Variants in MYH10 observed in about 807,000 individuals in gnomAD.
The protein encoded by MYH10 is myosin-10.
In MYH10, 55 loss-of-function variants were observed where a neutral mutation model predicts 257.8. The observed-to-expected ratio is 0.21, with a 90% CI of 0.17 to 0.27. MYH10 has a LOEUF of 0.27. Among genes scored for constraint, MYH10 ranks in the 10% least tolerant of loss-of-function variants. The pLI, the probability that MYH10 is intolerant of heterozygous loss-of-function variation, is 1.00. For synonymous variants in MYH10, 854 were observed against 921.7 expected (o/e 0.93, Z 1.33); for missense variants, 1,631 against 2,500.6 (o/e 0.65, Z 7.42).
rs201983291 is a variant in MYH10 at position 8,548,395 on chromosome 17, T to C, written c.1077A>G (p.Val359=). ...SHEEILSMLK[V]VSSVLQFGNI... ...TTCCAAACTGTAGCACTGAAGATAC[T>C]ACTTTAAGCATTGCTTCATATTGAT... The change falls in exon 11 of 43, where the codon GTA becomes GTG. Residue 359 remains valine (V), a synonymous_variant. Transcript: ENST00000360416. 6 of 1,602,160 alleles carry C rather than the reference T, an allele frequency of 3.7e-6. No individual in the cohort carries two copies. The highest frequency in any genetic ancestry group is 1.7e-5 in the Admixed American group (1 of 58,112).
At chr17:8,517,021 G>A (rs998344692) in intron 21 of MYH10, among the ~76,000 whole-genome samples, 4 of 151,832 alleles carry the variant, frequency 2.6e-5, no homozygotes, top group African/African-American at 7.3e-5. Context: ...GGCGCCTGTA[G>A]TCCCAGCTAC....
At chr17:8,564,224 T>C (rs1205431224) in intron 7 of MYH10, among the ~76,000 whole-genome samples, 3 of 152,216 alleles carry the variant, frequency 2.0e-5, no homozygotes, top group Admixed American at 6.5e-5. Context: ...AGAAAAGATA[T>C]TCTTCAGGAA....
At chr17:8,548,278 C>T (rs764179078) in intron 11 of MYH10, 35 bp downstream of exon 11, 12 of 1,523,916 alleles carry the variant, frequency 7.9e-6, no homozygotes, top group South Asian at 4.6e-5. Flanking sequence ...AACAAGCCAT[C>T]GAAACAGAAA....
At position 8,511,556 on chromosome 17, in the gene MYH10, C is replaced by A. The variant is rs2081297754; in HGVS notation, c.2952+895G>T. Among the ~76,000 whole-genome samples, 3 of 152,012 alleles carry A rather than the reference C, an allele frequency of 2.0e-5. No individual in the cohort carries two copies. The South Asian group carries it at 6.2e-4, about 32-fold the overall frequency. The stretch of plus-strand genomic sequence containing the variant: ...AAAAAAACAAAAACAAAAACAAACC[C>A]CAAAAAACCAAAACTAGGGTTGTAC... On this transcript the variant is annotated intron_variant, in intron 24 of 42. Transcript: ENST00000360416.
In MYH10 at chr17:8,494,943, C is replaced by T. The variant is rs959265283; in HGVS notation, c.4056+194G>A. Among the ~76,000 whole-genome samples the T allele has an allele frequency of 5.3e-5, 8 of 152,212 alleles. 1 individual carries two copies. The highest frequency in any genetic ancestry group is 1.7e-4 in the African/African-American group (7 of 41,456). ...CCACGTGCCTGCCAGACACACGAAC[C>T]CCAGGGGCTCTACATCAAGACACTG... On this transcript the variant is annotated intron_variant, in intron 31 of 42. Coordinates refer to ENST00000360416, the MANE Select transcript of MYH10 (RefSeq NM_001256012.3).
intron 26 of MYH10, 127 bp downstream of exon 26, chr17:8,508,427 C>T: frequency 7.4e-7 from 1 of 1,353,998 alleles, no homozygotes. Flanking sequence ...AATAAGTCAA[C>T]CCAAACTGAA....
intron 19 of MYH10, 121 bp from the exon 20 acceptor site, chr17:8,519,071 G>GT: frequency 1.5e-6 from 1 of 647,982 alleles, no homozygotes; most frequent in Non-Finnish European, 2.6e-6. Context: ...AAGATATGAT[G>GT]TAATACATGT....
rs201174549 is a variant in MYH10, at chr17:8,620,247, AAATG to A, written c.345+2651_345+2654del. Among the ~76,000 whole-genome samples, 8 of 152,370 alleles carry A rather than the reference AAATG, an allele frequency of 5.3e-5. No homozygotes were observed. The East Asian group carries it at 1.3e-3, about 26-fold the overall frequency. The stretch of plus-strand genomic sequence containing the variant: ...TGTGATTGAGATGTAATTATTTTAA[AAATG>A]AATAATAAAAAGATAACTTAAAAAT... On this transcript the variant is annotated intron_variant, in intron 2 of 42. Transcript: ENST00000360416.
At position 8,535,750 on chromosome 17, in the gene MYH10, G is replaced by A. The variant is rs1417066233; in HGVS notation, c.1779+8C>T. ...TTTAATCCAGTTATTCAACATAAGA[G>A]CTCTTACCTTCCCTGCATAATGTAT... is the stretch of plus-strand genomic sequence containing the variant. On this transcript the variant is annotated splice_region_variant and intron_variant, in intron 15 of 42. Transcript: ENST00000360416. The surrounding 1 kb of genome is among the most constrained non-coding windows in gnomAD (Gnocchi z 4.3). 6.2e-7 allele frequency: 1 copy of A among 1,610,588 alleles called. No individual in the cohort carries two copies. Among genetic ancestry groups the A allele is most frequent in the Non-Finnish European group, 8.5e-7 (1 of 1,177,924 alleles).
chr17:8,487,867 T>C (rs1260195297), intron 35 of MYH10, among the ~76,000 whole-genome samples: 1 of 151,998 alleles, frequency 6.6e-6, no homozygotes, highest in Non-Finnish European at 1.5e-5. Flanking sequence ...CTGAGCTCGG[T>C]GTAGATGAAG....
rs2081021349 is a variant in MYH10 at position 8,504,828 on chromosome 17, C to T, written c.3465G>A (p.Gln1155=). 1 of 1,614,114 alleles carries T rather than the reference C, an allele frequency of 6.2e-7. No individual in the cohort carries two copies. The highest frequency in any genetic ancestry group is 1.7e-5 in the Admixed American group (1 of 60,012). The change falls in exon 28 of 43, where the codon CAG becomes CAA. Residue 1155 remains glutamine (Q), a synonymous_variant. Transcript: ENST00000360416. The surrounding 1 kb of genome is among the most constrained non-coding windows in gnomAD (Gnocchi z 5.6). The part of the protein sequence containing the change: ...RELQAQIAEL[Q]EDFESEKASR... ...AAGCCTTCTCGGATTCAAAGTCTTC[C>T]TGAAGTTCAGCAATTTGGGCTTGTA...
chr17:8,579,711 T>TC (rs765600887), intron 4 of MYH10, among the ~76,000 whole-genome samples: 16 of 152,220 alleles, frequency 1.1e-4, no homozygotes, highest in Non-Finnish European at 2.1e-4. Context: ...TGCCCACTAT[T>TC]CATGCTAAAA....
intron 23 of MYH10, 79 bp downstream of exon 23, chr17:8,513,459 A>C: frequency 6.4e-7 from 1 of 1,567,942 alleles, no homozygotes; most frequent in Non-Finnish European, 8.6e-7. Context: ...TTCATAATGA[A>C]ATGTGTCGGG....
At chr17:8,554,103 A>C (rs2082717770) in intron 7 of MYH10, 85 bp from the exon 8 acceptor site, 2 of 926,558 alleles carry the variant, frequency 2.2e-6, no homozygotes, top group Admixed American at 4.0e-5. Context: ...GACAACAAGT[A>C]TCCATGAATT....
Position 8,546,263 on chromosome 17 carries a change from T to A in MYH10, c.1278+281A>T, listed in dbSNP as rs538160374. Reference sequence around the variant, plus strand: ...TAGTAGAGATGGGGTTTCACCATACTGGTCAGGCTGGTCTCAAACTCCTGA... The same window carrying A: ...TAGTAGAGATGGGGTTTCACCATACAGGTCAGGCTGGTCTCAAACTCCTGA... On this transcript the variant is annotated intron_variant, in intron 12 of 42. Transcript: ENST00000360416. Among the ~76,000 whole-genome samples the A allele has an allele frequency of 1.3e-5, 2 of 152,208 alleles. 1 individual carries two copies. Among genetic ancestry groups the A allele is most frequent in the East Asian group, 3.9e-4 (2 of 5,172 alleles).
intron 6 of MYH10, among the ~76,000 whole-genome samples, chr17:8,570,136 AAT>A (rs1365509123): frequency 6.6e-6 from 1 of 152,228 alleles, no homozygotes. Context: ...CATGAAATGA[AAT>A]TTAGCACGAC....
chr17:8,553,872 T>C, intron 8 of MYH10, 83 bp downstream of exon 8: 2 of 1,081,112 alleles, frequency 1.8e-6, no homozygotes, highest in South Asian at 2.8e-5. Flanking sequence ...ATTTTGGGAG[T>C]GATATCACAG....
intron 7 of MYH10, among the ~76,000 whole-genome samples, chr17:8,559,051 T>C (rs1259674622): frequency 6.6e-6 from 1 of 152,226 alleles, no homozygotes; most frequent in Non-Finnish European, 1.5e-5. Flanking sequence ...TCCTACAGAA[T>C]GACCACCTGG....
In MYH10 at chr17:8,527,124, G is replaced by A. The variant is rs529660601; in HGVS notation, c.1957+3499C>T. Among the ~76,000 whole-genome samples, 23 of 152,266 alleles carry A rather than the reference G, an allele frequency of 1.5e-4. No homozygotes were observed. In the South Asian group the frequency reaches 4.8e-3, roughly 32 times the overall value. On this transcript the variant is annotated intron_variant, in intron 17 of 42. Transcript: ENST00000360416. ...TTAACTATTATGAATTCGCAGAAAC[G>A]ATCTTCACATCAGTCTGTCTCCATA...
Sources: allele counts gnomAD v4.1 joint callset (sites outside exome capture counted in the v4.1 genomes callset), GRCh38; gene constraint gnomAD v4.1.1; non-coding constraint Gnocchi (gnomAD v3.1); transcripts MANE v1.5; gene names NCBI Gene and HGNC (gene_info 2026-07-23, HGNC 2026-07-21).